Variants in NUF2 observed in about 807,000 individuals in gnomAD.
NUF2 encodes the protein kinetochore protein Nuf2.
Under a neutral mutation model 61.8 loss-of-function variants are expected in NUF2, and 34 were observed. That is an observed-to-expected ratio of 0.55 (90% CI 0.42 to 0.73). The LOEUF is 0.73. NUF2 is among the 30% of genes least tolerant of loss of function. The pLI is 0.00. For missense variants in NUF2, 445 were observed against 539.1 expected, an observed-to-expected ratio of 0.83 and a Z score of 1.73; for synonymous variants, 172 against 181.6, an observed-to-expected ratio of 0.95 and a Z score of 0.42.
chr1:163,340,242 T>G lies in NUF2; in HGVS notation c.607-122T>G, dbSNP rs1454331247. On this transcript the variant is annotated intron_variant, in intron 8 of 13. Coordinates refer to ENST00000271452, the MANE Select transcript of NUF2 (RefSeq NM_145697.3). ...TTAGGAGCATCATGAACAGAGAAAG[T>G]TTGAAGAATATCTGATCTAACACAT... The G allele has an allele frequency of 9.7e-6, 7 of 724,640 alleles. No homozygotes were observed. The East Asian group carries it at 1.9e-4, about 19-fold the overall frequency. 44.9% of individuals were successfully genotyped at this position (724,640 alleles called of 1,614,324 possible).
intron 4 of NUF2, 73 bp downstream of exon 4, chr1:163,328,377 G>A: frequency 1.1e-6 from 1 of 908,418 alleles, no homozygotes. Context: ...TTAATGACAT[G>A]GTTTTCTTTG....
intron 5 of NUF2, 37 bp from the exon 6 acceptor site, chr1:163,336,714 C>A (rs752225577): frequency 5.5e-6 from 7 of 1,280,484 alleles, no homozygotes; most frequent in Non-Finnish European, 8.0e-6. Flanking sequence ...TATGTTAGTT[C>A]AAAGGTTTAT....
chr1:163,349,759 G>T (rs1651250388), intron 13 of NUF2, among the ~76,000 whole-genome samples: 1 of 152,026 alleles, frequency 6.6e-6, no homozygotes, highest in Non-Finnish European at 1.5e-5. Context: ...TTGCACATGT[G>T]AGCATTATCT....
At position 163,347,747 on chromosome 1, in the gene NUF2, T is replaced by A. The variant is rs201126808; in HGVS notation, c.949-16T>A. 304 of 1,478,534 alleles carry A rather than the reference T, an allele frequency of 2.1e-4. 1 individual carries two copies. The East Asian group carries it at 5.9e-3, about 29-fold the overall frequency. 91.6% of individuals were successfully genotyped at this position (1,478,534 alleles called of 1,614,324 possible). ...AATTGGTTATGTTGACTTTAAATACTTCTTATAAAATACAGAGCCTGAACT... is the reference window on the plus strand; with the variant it reads ...AATTGGTTATGTTGACTTTAAATACATCTTATAAAATACAGAGCCTGAACT... On this transcript the variant is annotated splice_polypyrimidine_tract_variant and intron_variant, in intron 11 of 13. Coordinates refer to ENST00000271452, the MANE Select transcript of NUF2 (RefSeq NM_145697.3).
intron 8 of NUF2, 62 bp downstream of exon 8, chr1:163,339,539 C>T (rs2101679815): frequency 2.1e-6 from 2 of 940,634 alleles, no homozygotes; most frequent in South Asian, 1.4e-5. Context: ...TGTGGTGGGA[C>T]ATATAGTGGA....
intron 13 of NUF2, among the ~76,000 whole-genome samples, chr1:163,350,843 A>T (rs750869132): frequency 1.3e-5 from 2 of 152,190 alleles, no homozygotes; most frequent in Non-Finnish European, 2.9e-5. Flanking sequence ...TCAATGGTAT[A>T]GAGTTTTCAA....
At chr1:163,335,860 T>A (rs891692183) in intron 5 of NUF2, among the ~76,000 whole-genome samples, 3 of 152,182 alleles carry the variant, frequency 2.0e-5, no homozygotes, top group Admixed American at 6.5e-5. Flanking sequence ...ATTTTAGGTC[T>A]GAACTACTGT....
At chr1:163,343,577 A>T (rs1382038296) in intron 9 of NUF2, among the ~76,000 whole-genome samples, 156 bp from the exon 10 acceptor site, 2 of 152,194 alleles carry the variant, frequency 1.3e-5, no homozygotes, top group Non-Finnish European at 2.9e-5. Context: ...GCCTATAGAC[A>T]AATGTGAGCA....
At chr1:163,341,790 G>A (rs894678819) in intron 9 of NUF2, among the ~76,000 whole-genome samples, 5 of 151,958 alleles carry the variant, frequency 3.3e-5, no homozygotes, top group African/African-American at 1.2e-4. Flanking sequence ...ACCACTCCCG[G>A]CTAATTTTTT....
At chr1:163,350,173 G>T (rs866940965) in intron 13 of NUF2, among the ~76,000 whole-genome samples, 9 of 151,770 alleles carry the variant, frequency 5.9e-5, no homozygotes, top group African/African-American at 1.9e-4. Context: ...GTGGTGGTGG[G>T]TGCCTGTAGT....
chr1:163,345,842 T>A (rs780071332), intron 11 of NUF2, 24 bp downstream of exon 11: 1 of 1,527,194 alleles, frequency 6.5e-7, no homozygotes, highest in Non-Finnish European at 8.9e-7. Context: ...GGAATTTTGA[T>A]GTCTTTATTA....
At chr1:163,347,175 G>A (rs1203673978) in intron 11 of NUF2, among the ~76,000 whole-genome samples, 1 of 152,216 alleles carries the variant, frequency 6.6e-6, no homozygotes, top group Non-Finnish European at 1.5e-5. Context: ...AGTCTGCCCT[G>A]AAGAAATGAG....
chr1:163,351,430 C>T (rs1383736352), intron 13 of NUF2, among the ~76,000 whole-genome samples: 2 of 152,146 alleles, frequency 1.3e-5, no homozygotes, highest in African/African-American at 4.8e-5. Flanking sequence ...TTATTTATTT[C>T]AACCTAGATT....
intron 5 of NUF2, among the ~76,000 whole-genome samples, chr1:163,334,298 A>T (rs1650686950): frequency 6.6e-6 from 1 of 152,170 alleles, no homozygotes; most frequent in African/African-American, 2.4e-5. Context: ...AATCTTTTTG[A>T]TATAATGATT....
intron 2 of NUF2, 24 bp from the exon 3 acceptor site, chr1:163,327,464 A>G (rs1221544450): frequency 1.5e-6 from 2 of 1,354,888 alleles, no homozygotes; most frequent in South Asian, 2.3e-5. Context: ...GCATCGGAGT[A>G]TTCAAAGTTG....
chr1:163,340,319 TA>T, intron 8 of NUF2, 44 bp from the exon 9 acceptor site: 1 of 1,448,766 alleles, frequency 6.9e-7, no homozygotes, highest in Non-Finnish European at 9.6e-7. Flanking sequence ...TGGCTAAATC[TA>T]AATGTTTTGA....
chr1:163,327,584 A>T (rs1221528819), intron 3 of NUF2, 22 bp downstream of exon 3: 3 of 1,481,292 alleles, frequency 2.0e-6, no homozygotes, highest in African/African-American at 2.8e-5. Flanking sequence ...ATGAGGCAAA[A>T]TTATGGGGTT....
In NUF2 at chr1:163,327,474, G is replaced by GT; in HGVS notation, c.124-8dup. 2 of 1,552,864 alleles carry GT rather than the reference G, an allele frequency of 1.3e-6. No homozygotes were observed. On this transcript the variant is annotated splice_polypyrimidine_tract_variant and intron_variant, in intron 2 of 13. Transcript: ENST00000271452. Reference sequence around the variant, plus strand: ...GTTATGCATCGGAGTATTCAAAGTTGTTTTTTGCTGTAGCCTGAAGTCTTG... The same window carrying GT: ...GTTATGCATCGGAGTATTCAAAGTTGTTTTTTTGCTGTAGCCTGAAGTCTTG...
chr1:163,347,834 G>T lies in NUF2; in HGVS notation c.1020G>T (p.Ser340=), dbSNP rs377218991. 1.9e-6 allele frequency: 3 copies of T among 1,611,642 alleles called. No individual in the cohort carries two copies. The highest frequency in any genetic ancestry group is 1.7e-6 in the Non-Finnish European group (2 of 1,179,088). The change falls in exon 12 of 14, where the codon TCG becomes TCT. Residue 340 remains serine (S), a synonymous_variant. Transcript: ENST00000271452. The stretch of plus-strand genomic sequence containing the variant: ...AGAAATTGAAGACTGAAGAAAATTC[G>T]TTCAAAAGACTGATGATTGTGAAGA... ...ELKKLKTEEN[S]FKRLMIVKKE... is the part of the protein sequence containing the mutation.
Sources: gnomAD v4.1 joint callset for allele counts (sites outside exome capture counted in the v4.1 genomes callset) on GRCh38, gnomAD v4.1.1 for gene constraint, MANE v1.5 for transcripts, NCBI Gene and HGNC (gene_info 2026-07-23, HGNC 2026-07-21) for gene names.